Variants in SLC2A13 observed in about 807,000 individuals in gnomAD.
SLC2A13 encodes the protein proton myo-inositol cotransporter.
In SLC2A13, 32 loss-of-function variants were observed where a neutral mutation model predicts 64.4. The observed-to-expected ratio is 0.50, with a 90% CI of 0.37 to 0.67. The LOEUF is 0.67. SLC2A13 is among the 30% of genes least tolerant of loss of function. The pLI is 0.00. For synonymous variants in SLC2A13, 338 were observed against 327.1 expected, an observed-to-expected ratio of 1.03 and a Z score of -0.36; for missense variants, 743 against 829.2, an observed-to-expected ratio of 0.90 and a Z score of 1.28.
At chr12:40,033,801 G>A (rs1355243311) in intron 2 of SLC2A13, among the ~76,000 whole-genome samples, 1 of 152,122 alleles carries the variant, frequency 6.6e-6, no homozygotes, top group African/African-American at 2.4e-5. Context: ...ATATTCGACT[G>A]CAAGATTTTA....
chr12:39,814,555 G>A (rs1487376910), intron 7 of SLC2A13, among the ~76,000 whole-genome samples: 1 of 152,056 alleles, frequency 6.6e-6, no homozygotes, highest in Non-Finnish European at 1.5e-5. Flanking sequence ...ACTGAAGAAT[G>A]CTTTGGTAGA....
intron 4 of SLC2A13, among the ~76,000 whole-genome samples, chr12:39,902,086 G>A (rs1233216769): frequency 3.3e-5 from 5 of 150,520 alleles, no homozygotes; most frequent in Non-Finnish European, 4.4e-5. Context: ...GCAAAGTATC[G>A]CAAGGACAAA....
intron 6 of SLC2A13, among the ~76,000 whole-genome samples, chr12:39,846,807 T>C (rs1386383720): frequency 6.6e-6 from 1 of 152,126 alleles, no homozygotes; most frequent in African/African-American, 2.4e-5. Flanking sequence ...AATAATAGCA[T>C]CTATCTCAGT....
intron 4 of SLC2A13, among the ~76,000 whole-genome samples, chr12:39,895,325 C>A (rs1483650973): frequency 4.6e-5 from 7 of 151,226 alleles, no homozygotes; most frequent in Non-Finnish European, 1.5e-5. Context: ...CCCGTCTCTA[C>A]TAAAAATACA....
chr12:39,861,800 T>A (rs1347724818), intron 6 of SLC2A13, among the ~76,000 whole-genome samples: 2 of 152,348 alleles, frequency 1.3e-5, no homozygotes, highest in East Asian at 3.9e-4. Flanking sequence ...ACATTTTCTA[T>A]AGCAACTTGC....
chr12:39,992,755 T>C (rs946614460), intron 3 of SLC2A13, among the ~76,000 whole-genome samples: 1 of 152,140 alleles, frequency 6.6e-6, no homozygotes, highest in Admixed American at 6.5e-5. Context: ...ACCACCAAGA[T>C]TAGACAGAAA....
At chr12:40,067,420 T>C (rs1360589939) in intron 1 of SLC2A13, among the ~76,000 whole-genome samples, 1 of 152,108 alleles carries the variant, frequency 6.6e-6, no homozygotes, top group Non-Finnish European at 1.5e-5. Context: ...GTTGCTGTTG[T>C]TGATAATATA....
rs1020474932 is a variant in SLC2A13, at chr12:40,106,061, A to C, written c.-253T>G. 2.9e-6 allele frequency: 1 copy of C among 350,266 alleles called. No homozygotes were observed. Among genetic ancestry groups the C allele is most frequent in the Non-Finnish European group, 5.0e-6 (1 of 200,552 alleles). The allele number at this position is 350,266 out of a possible 1,614,324, so 21.7% of individuals were successfully genotyped here. A position where few individuals can be genotyped will look rare whatever the true frequency, so the allele number is the denominator to read the frequency against. On this transcript the variant is annotated 5_prime_UTR_variant, in exon 1 of 10. Coordinates refer to ENST00000280871, the MANE Select transcript of SLC2A13 (RefSeq NM_052885.4). ...CCACACTCACGCCCCGCGCCTGCCG[A>C]GCTGGCGCTGCGGAGCGGGCGGGAG...
chr12:39,825,670 A>G (rs1468533003), intron 7 of SLC2A13, among the ~76,000 whole-genome samples: 1 of 152,124 alleles, frequency 6.6e-6, no homozygotes, highest in Non-Finnish European at 1.5e-5. Flanking sequence ...ATTATTATAC[A>G]TCTTTTTTAT....
At chr12:39,869,325 T>C (rs1270420027) in intron 5 of SLC2A13, among the ~76,000 whole-genome samples, 1 of 152,200 alleles carries the variant, frequency 6.6e-6, no homozygotes, top group Non-Finnish European at 1.5e-5. Context: ...AGGACCTATT[T>C]AATCACTGAA....
At chr12:39,976,274 A>G (rs368409467) in intron 3 of SLC2A13, among the ~76,000 whole-genome samples, 1 of 152,222 alleles carries the variant, frequency 6.6e-6, no homozygotes, top group Admixed American at 6.5e-5. Flanking sequence ...GCAATTCACC[A>G]TCAGCACCAG....
At chr12:39,975,911 T>C (rs1286445134) in intron 3 of SLC2A13, among the ~76,000 whole-genome samples, 2 of 152,188 alleles carry the variant, frequency 1.3e-5, no homozygotes, top group African/African-American at 4.8e-5. Context: ...AAGTTGAAGA[T>C]TCTAAATAGC....
chr12:40,098,521 C>T (rs1467965856), intron 1 of SLC2A13, among the ~76,000 whole-genome samples: 1 of 152,122 alleles, frequency 6.6e-6, no homozygotes, highest in Non-Finnish European at 1.5e-5. Flanking sequence ...TAAATCTATA[C>T]TAAAACAAAC....
At chr12:40,018,990 A>G (rs1048818828) in intron 3 of SLC2A13, among the ~76,000 whole-genome samples, 1 of 152,170 alleles carries the variant, frequency 6.6e-6, no homozygotes, top group South Asian at 2.1e-4. Flanking sequence ...TAAGTTAAGG[A>G]ACATGTTTCT....
intron 4 of SLC2A13, among the ~76,000 whole-genome samples, chr12:39,931,105 G>T (rs978817408): frequency 6.6e-6 from 1 of 152,020 alleles, no homozygotes; most frequent in Non-Finnish European, 1.5e-5. Flanking sequence ...TCTGACTTTA[G>T]AAATCATTTG....
intron 4 of SLC2A13, among the ~76,000 whole-genome samples, chr12:39,946,067 T>TC (rs1269884941): frequency 6.6e-6 from 1 of 152,214 alleles, no homozygotes; most frequent in Non-Finnish European, 1.5e-5. Context: ...TGTAATACTC[T>TC]CCCCCTTTTC....
Position 39,889,772 on chromosome 12 carries a change from T to C in SLC2A13, c.1035-17811A>G, listed in dbSNP as rs192503031. Among the ~76,000 whole-genome samples the C allele has an allele frequency of 9.9e-5, 15 of 152,202 alleles. No homozygotes were observed. The East Asian group carries it at 2.7e-3, about 27-fold the overall frequency. On this transcript the variant is annotated intron_variant, in intron 4 of 9. Coordinates refer to ENST00000280871, the MANE Select transcript of SLC2A13 (RefSeq NM_052885.4). ...GTCTTGATTTCTTGACCTCGTGATC[T>C]GCCCGCCTTGGCCTCCCAAAGTGTT...
intron 4 of SLC2A13, among the ~76,000 whole-genome samples, chr12:39,913,922 G>A (rs1945475863): frequency 6.6e-6 from 1 of 151,812 alleles, no homozygotes; most frequent in East Asian, 1.9e-4. Flanking sequence ...TTCCTTTCAA[G>A]AATATATGAA....
At chr12:39,854,166 G>C (rs1384396288) in intron 6 of SLC2A13, among the ~76,000 whole-genome samples, 1 of 151,688 alleles carries the variant, frequency 6.6e-6, no homozygotes, top group African/African-American at 2.4e-5. Flanking sequence ...AAATGGCTCT[G>C]CAACATACCA....
Sources: gnomAD v4.1 joint callset for allele counts (sites outside exome capture counted in the v4.1 genomes callset) on GRCh38, gnomAD v4.1.1 for gene constraint, MANE v1.5 for transcripts, NCBI Gene and HGNC (gene_info 2026-07-23, HGNC 2026-07-21) for gene names.